The following DRGX variants were observed in gnomAD, a reference collection of about 807,000 sequenced individuals.
DRGX encodes dorsal root ganglia homeobox protein.
A neutral mutation model predicts 28.6 loss-of-function variants in DRGX; 21 were observed. The ratio of observed to expected loss-of-function variants is 0.73; its 90% CI spans 0.52 to 1.06. The LOEUF is 1.06. Ranked by LOEUF, DRGX falls within the 50% of genes least tolerant of loss-of-function variation. The pLI, the probability that DRGX is intolerant of heterozygous loss-of-function variation, is 0.00. For synonymous variants in DRGX, 136 were observed against 139.1 expected, an observed-to-expected ratio of 0.98 and a Z score of 0.16; for missense variants, 354 against 343.9, an observed-to-expected ratio of 1.03 and a Z score of -0.23.
At chr10:49,372,094 A>C (rs553014301) in intron 6 of DRGX, among the ~76,000 whole-genome samples, 18 of 152,218 alleles carry the variant, frequency 1.2e-4, no homozygotes, top group Non-Finnish European at 2.4e-4. Flanking sequence ...GATGGCCCAA[A>C]GCCATCACAG....
intron 6 of DRGX, among the ~76,000 whole-genome samples, chr10:49,380,790 T>C (rs538244138): frequency 3.3e-5 from 5 of 152,316 alleles, no homozygotes; most frequent in South Asian, 2.1e-4. Flanking sequence ...AGGTACTTCA[T>C]TGGGTCCTTT....
rs767328522 is a variant in DRGX, at chr10:49,391,180, G to A, written c.116C>T (p.Thr39Met). The A allele has an allele frequency of 1.9e-6, 3 of 1,613,500 alleles. No homozygotes were observed. Among genetic ancestry groups the A allele is most frequent in the South Asian group, 1.1e-5 (1 of 90,846 alleles). Residue 39 changes from threonine to methionine, a missense_variant, in exon 3 of 7, where the codon ACG (threonine) becomes ATG (methionine). Transcript: ENST00000374139. ...LRRKQRRNRT[T>M]FTLQQLEALE... The stretch of plus-strand genomic sequence containing the variant: ...CGTTGGTACCTGCTGAAGAGTGAAC[G>A]TCGTCCGGTTCCGGCGCTGTTTTCT...
chr10:49,386,511 C>A lies in DRGX; in HGVS notation c.493G>T (p.Ala165Ser). The A allele has an allele frequency of 6.3e-7, 1 of 1,585,466 alleles. No individual in the cohort carries two copies. The change falls in exon 6 of 7, where the codon GCC becomes TCC. Residue 165 changes from alanine to serine, a missense_variant. By Grantham distance (99) the Ala-to-Ser change is moderately conservative. Coordinates refer to ENST00000374139, the MANE Select transcript of DRGX (RefSeq NM_001276451.2). ...GAAGCCACATGGGACAAGGCCTGGGCGTAGGTGGCCGTGTTCAGGAGAGTC... is the reference window on the plus strand; with the variant it reads ...GAAGCCACATGGGACAAGGCCTGGGAGTAGGTGGCCGTGTTCAGGAGAGTC... ...PGTLLNTATY[A>S]QALSHVASLK... is the part of the protein sequence containing the mutation.
chr10:49,368,639 C>G (rs963871687), intron 6 of DRGX, among the ~76,000 whole-genome samples: 1 of 152,236 alleles, frequency 6.6e-6, no homozygotes, highest in African/African-American at 2.4e-5. Flanking sequence ...TTATCTTCCT[C>G]CAAGTCTTCC....
intron 6 of DRGX, among the ~76,000 whole-genome samples, chr10:49,382,843 A>T (rs1440500030): frequency 1.5e-4 from 23 of 152,112 alleles, no homozygotes; most frequent in Admixed American, 1.5e-3. Flanking sequence ...GGGAGACTCT[A>T]TCATATTCTC....
intron 3 of DRGX, 95 bp downstream of exon 3, chr10:49,391,069 T>C: frequency 7.7e-7 from 1 of 1,303,534 alleles, no homozygotes; most frequent in Non-Finnish European, 1.1e-6. Flanking sequence ...CATAATCAAT[T>C]GGTCTTATTT....
chr10:49,369,053 AT>A (rs1159711961), intron 6 of DRGX, among the ~76,000 whole-genome samples: 1 of 152,212 alleles, frequency 6.6e-6, no homozygotes, highest in Non-Finnish European at 1.5e-5. Context: ...GTAAGCATCA[AT>A]GGTGAGTTCA....
intron 6 of DRGX, among the ~76,000 whole-genome samples, chr10:49,370,094 A>G (rs1299798888): frequency 6.6e-6 from 1 of 152,118 alleles, no homozygotes; most frequent in African/African-American, 2.4e-5. Context: ...TGACCCTGAT[A>G]GGTGTGCACT....
chr10:49,377,108 T>TG (rs1849725123), intron 6 of DRGX, among the ~76,000 whole-genome samples: 1 of 152,164 alleles, frequency 6.6e-6, no homozygotes, highest in Non-Finnish European at 1.5e-5. Context: ...GTCCTGCAGG[T>TG]GGCCAGCAGT....
intron 6 of DRGX, among the ~76,000 whole-genome samples, chr10:49,380,395 G>GCCAT (rs1849762020): frequency 6.6e-6 from 1 of 152,118 alleles, no homozygotes; most frequent in African/African-American, 2.4e-5. Context: ...CGCCTCCCTG[G>GCCAT]CCATTAATAA....
At position 49,391,129 on chromosome 10, in the gene DRGX, T is replaced by G. The variant is rs367927990; in HGVS notation, c.132+35A>C. On this transcript the variant is annotated intron_variant, in intron 3 of 6. Transcript: ENST00000374139. Reference sequence around the variant, plus strand: ...ACTTTGATTTGGGGGAGGTAGGAAGTAGCTGATGTTTGAAAGGAGAATCAA... The same window carrying G: ...ACTTTGATTTGGGGGAGGTAGGAAGGAGCTGATGTTTGAAAGGAGAATCAA... 26 of 1,603,844 alleles carry G rather than the reference T, an allele frequency of 1.6e-5. 1 individual carries two copies. Among genetic ancestry groups the G allele is most frequent in the African/African-American group, 1.1e-4 (8 of 74,690 alleles).
chr10:49,376,256 C>T (rs1849715623), intron 6 of DRGX, among the ~76,000 whole-genome samples: 1 of 152,206 alleles, frequency 6.6e-6, no homozygotes, highest in Non-Finnish European at 1.5e-5. Flanking sequence ...TGCCAGGATT[C>T]TCCACCTGTC....
chr10:49,382,677 C>T (rs1849789584), intron 6 of DRGX, among the ~76,000 whole-genome samples: 1 of 152,182 alleles, frequency 6.6e-6, no homozygotes, highest in African/African-American at 2.4e-5. Context: ...ACACATGTTC[C>T]ACCCTCACCC....
intron 6 of DRGX, among the ~76,000 whole-genome samples, chr10:49,382,233 G>A (rs543321614): frequency 1.7e-3 from 261 of 152,314 alleles, no homozygotes; most frequent in Non-Finnish European, 3.2e-3. Flanking sequence ...AGGAACCTGA[G>A]GACAGCAGCC....
At chr10:49,376,594 TAAC>T (rs371780246) in intron 6 of DRGX, among the ~76,000 whole-genome samples, 1 of 152,212 alleles carries the variant, frequency 6.6e-6, no homozygotes, top group African/African-American at 2.4e-5. Flanking sequence ...ATCATGACTC[TAAC>T]AACAATTACG....
At chr10:49,368,836 T>G (rs1564704054) in intron 6 of DRGX, among the ~76,000 whole-genome samples, 1 of 152,252 alleles carries the variant, frequency 6.6e-6, no homozygotes, top group African/African-American at 2.4e-5. Flanking sequence ...TAATGTTAAT[T>G]TTAAATGAAT....
chr10:49,395,851 G>T (rs1849963054), intron 1 of DRGX, 84 bp downstream of exon 1: 1 of 252,640 alleles, frequency 4.0e-6, no homozygotes, highest in Non-Finnish European at 7.7e-6. Flanking sequence ...GGCCATCTGC[G>T]AGCTGCAGCT....
chr10:49,395,276 C>T (rs1849954173), intron 2 of DRGX, 131 bp downstream of exon 2: 4 of 1,126,264 alleles, frequency 3.6e-6, no homozygotes, highest in Non-Finnish European at 3.8e-6. Flanking sequence ...CCAGGGAGGC[C>T]CCTACTCACC....
chr10:49,383,171 G>C (rs1490579910), intron 6 of DRGX, among the ~76,000 whole-genome samples: 1 of 152,204 alleles, frequency 6.6e-6, no homozygotes, highest in East Asian at 1.9e-4. Flanking sequence ...ACTCACATAA[G>C]CAATCCCAGC....
Sources: gnomAD v4.1 joint callset for allele counts (sites outside exome capture counted in the v4.1 genomes callset) on GRCh38, gnomAD v4.1.1 for gene constraint, MANE v1.5 for transcripts, NCBI Gene and HGNC (gene_info 2026-07-23, HGNC 2026-07-21) for gene names.